The following SEC23A variants were observed in gnomAD, a reference collection of about 807,000 sequenced individuals.
The protein encoded by SEC23A is protein transport protein Sec23A.
Under a neutral mutation model 103.7 loss-of-function variants are expected in SEC23A, and 56 were observed. That is an observed-to-expected ratio of 0.54 (90% CI 0.44 to 0.67). SEC23A has a LOEUF of 0.67. Ranked by LOEUF, SEC23A falls within the 30% of genes least tolerant of loss-of-function variation. SEC23A has a pLI of 0.00. For synonymous variants in SEC23A, 281 were observed against 293.0 expected, an observed-to-expected ratio of 0.96 and a Z score of 0.42; for missense variants, 784 against 936.4, an observed-to-expected ratio of 0.84 and a Z score of 2.12.
At position 39,093,467 on chromosome 14, in the gene SEC23A, T is replaced by C. The variant is rs114622699; in HGVS notation, c.222-223A>G. 6.2e-3 allele frequency among the ~76,000 whole-genome samples: 939 copies of C among 152,302 alleles called. 9 individuals are homozygous for C. Among genetic ancestry groups the C allele is most frequent in the African/African-American group, 0.021 (887 of 41,562 alleles). ...AATGGTGAATATAACTTTTAACATA[T>C]AGTAAATATTGGCTGGGTGCAGTAG... On this transcript the variant is annotated intron_variant, in intron 2 of 19. Transcript: ENST00000307712.
intron 16 of SEC23A, among the ~76,000 whole-genome samples, chr14:39,044,373 AATATAT>A (rs1054112816): frequency 3.3e-5 from 5 of 152,204 alleles, no homozygotes; most frequent in Non-Finnish European, 7.4e-5. Context: ...ACATATTAAA[AATATAT>A]ATTTCCTAGA....
intron 14 of SEC23A, among the ~76,000 whole-genome samples, chr14:39,049,635 A>C (rs897487221): frequency 6.6e-6 from 1 of 151,706 alleles, no homozygotes; most frequent in African/African-American, 2.4e-5. Context: ...AAAATTAGCC[A>C]GGCATGGTTG....
intron 19 of SEC23A, among the ~76,000 whole-genome samples, chr14:39,034,087 T>C (rs1421222457): frequency 6.6e-6 from 1 of 152,194 alleles, no homozygotes; most frequent in Non-Finnish European, 1.5e-5. Flanking sequence ...AAACATGCCA[T>C]AACCTCTCCT....
intron 10 of SEC23A, 115 bp downstream of exon 10, chr14:39,067,058 T>G: frequency 7.5e-7 from 1 of 1,326,396 alleles, no homozygotes; most frequent in Admixed American, 1.7e-5. Context: ...CAATATAAAA[T>G]AACCACAATT....
At chr14:39,084,256 G>A (rs1887347653) in intron 7 of SEC23A, among the ~76,000 whole-genome samples, 1 of 151,190 alleles carries the variant, frequency 6.6e-6, no homozygotes, top group African/African-American at 2.4e-5. Context: ...TCGATCTCCT[G>A]ACCTCGTGAT....
chr14:39,086,216 CGA>C (rs1486610299), intron 6 of SEC23A, among the ~76,000 whole-genome samples: 1 of 152,086 alleles, frequency 6.6e-6, no homozygotes, highest in Non-Finnish European at 1.5e-5. Flanking sequence ...CCACAATAAA[CGA>C]AACACTCAAA....
intron 15 of SEC23A, among the ~76,000 whole-genome samples, chr14:39,045,907 AT>A (rs1885816607): frequency 1.3e-5 from 1 of 76,800 alleles, no homozygotes; most frequent in Non-Finnish European, 3.0e-5. Flanking sequence ...ATTTGGCTAC[AT>A]CCCCACCCAC....
In SEC23A at chr14:39,033,152, T is replaced by C. The variant is rs1285714386; in HGVS notation, c.*87A>G. The C allele has an allele frequency of 1.5e-5, 14 of 947,864 alleles. No individual in the cohort carries two copies. The African/African-American group carries it at 1.8e-4, about 12-fold the overall frequency. 58.7% of individuals were successfully genotyped at this position (947,864 alleles called of 1,614,324 possible). A position where few individuals can be genotyped will look rare whatever the true frequency, so the allele number is the denominator to read the frequency against. ...TACAAAAAATATAGAGCAATATCTG[T>C]TGGTTTCCACAGATAAATGGAAAAA... On this transcript the variant is annotated 3_prime_UTR_variant, in exon 20 of 20. Transcript: ENST00000307712.
At chr14:39,077,667 C>G (rs1034747409) in intron 7 of SEC23A, among the ~76,000 whole-genome samples, 1 of 152,176 alleles carries the variant, frequency 6.6e-6, no homozygotes, top group Non-Finnish European at 1.5e-5. Flanking sequence ...CCCTTCCTCA[C>G]AAGATGTCAA....
At chr14:39,088,639 A>G (rs1333046832) in intron 5 of SEC23A, 1 of 152,378 alleles carries the variant, frequency 6.6e-6, no homozygotes, top group Non-Finnish European at 1.5e-5. Context: ...AGGCTGAGGC[A>G]AGAGAAGCGC....
At chr14:39,075,352 A>G (rs1252386511) in intron 8 of SEC23A, among the ~76,000 whole-genome samples, 3 of 152,182 alleles carry the variant, frequency 2.0e-5, no homozygotes. Context: ...ATACTGATGA[A>G]GACTATCAAA....
intron 16 of SEC23A, 59 bp downstream of exon 16, chr14:39,045,104 T>C (rs1404249673): frequency 4.0e-6 from 6 of 1,495,862 alleles, no homozygotes; most frequent in Non-Finnish European, 5.6e-6. Context: ...TTATTTTCAC[T>C]TTTTTAATGC....
intron 13 of SEC23A, among the ~76,000 whole-genome samples, chr14:39,060,103 ATG>A (rs34799711): frequency 3.7e-4 from 56 of 151,112 alleles, no homozygotes; most frequent in Non-Finnish European, 4.1e-4. Flanking sequence ...GTGCACACAC[ATG>A]TGTGTGTGTG....
At chr14:39,038,868 A>G (rs1594432952) in intron 19 of SEC23A, among the ~76,000 whole-genome samples, 163 bp downstream of exon 19, 1 of 152,180 alleles carries the variant, frequency 6.6e-6, no homozygotes, top group Admixed American at 6.5e-5. Flanking sequence ...CTTTTGTCCT[A>G]TGGTGTCGCC....
chr14:39,082,496 A>G (rs1370531669), intron 7 of SEC23A, among the ~76,000 whole-genome samples: 1 of 152,200 alleles, frequency 6.6e-6, no homozygotes, highest in Non-Finnish European at 1.5e-5. Context: ...ATTTATAATT[A>G]CAATAGGAAA....
At chr14:39,045,554 T>G (rs80163026) in intron 15 of SEC23A, among the ~76,000 whole-genome samples, 321 of 152,146 alleles carry the variant, frequency 2.1e-3, no homozygotes, top group African/African-American at 7.4e-3. Flanking sequence ...AAAAAAATTT[T>G]TAAGTTAAAG....
At chr14:39,081,299 T>C (rs1887217777) in intron 7 of SEC23A, among the ~76,000 whole-genome samples, 1 of 151,596 alleles carries the variant, frequency 6.6e-6, no homozygotes, top group African/African-American at 2.4e-5. Flanking sequence ...GAACCAAAGC[T>C]TTTTATATCC....
intron 15 of SEC23A, chr14:39,047,495 CA>C: frequency 4.0e-6 from 3 of 755,888 alleles, no homozygotes; most frequent in South Asian, 1.8e-5. Flanking sequence ...ATCCTCAAAA[CA>C]AAAACAACAA....
intron 7 of SEC23A, among the ~76,000 whole-genome samples, chr14:39,081,409 T>A (rs941025062): frequency 2.0e-5 from 3 of 152,190 alleles, no homozygotes; most frequent in African/African-American, 4.8e-5. Flanking sequence ...AGAAATTTAC[T>A]AGAAGATACA....
Sources: gnomAD v4.1 joint callset for allele counts (sites outside exome capture counted in the v4.1 genomes callset) on GRCh38, gnomAD v4.1.1 for gene constraint, MANE v1.5 for transcripts, NCBI Gene and HGNC (gene_info 2026-07-23, HGNC 2026-07-21) for gene names.